The following SRRM2 variants were observed in gnomAD, a reference collection of about 807,000 sequenced individuals.
The protein encoded by SRRM2 is serine/arginine repetitive matrix protein 2.
In SRRM2, 30 loss-of-function variants were observed where a neutral mutation model predicts 213.8. The ratio of observed to expected loss-of-function variants is 0.14; its 90% CI spans 0.10 to 0.19. The LOEUF (loss-of-function observed/expected upper bound fraction) is 0.19. SRRM2 is among the 10% of genes least tolerant of loss of function. The pLI is 1.00. For missense variants in SRRM2, 4,904 were observed against 3,647.0 expected, an observed-to-expected ratio of 1.34 and a Z score of -8.88; for synonymous variants, 2,025 against 1,377.7, an observed-to-expected ratio of 1.47 and a Z score of -10.40.
rs757145003 is a variant in SRRM2 at position 2,769,255 on chromosome 16, C to T, written c.7992C>T (p.Ser2664=). 2 of 1,568,196 alleles carry T rather than the reference C, an allele frequency of 1.3e-6. No individual in the cohort carries two copies. Among genetic ancestry groups the T allele is most frequent in the Admixed American group, 3.6e-5 (2 of 55,524 alleles). ...CTCAGGCCTTGCCCAAACCTGCAAGCCCCAAGAAGCCACCCCCTGGCGAGC... is the reference window on the plus strand; with the variant it reads ...CTCAGGCCTTGCCCAAACCTGCAAGTCCCAAGAAGCCACCCCCTGGCGAGC... ...PGPQALPKPA[S]PKKPPPGERR... Residue 2664 remains serine, a synonymous_variant, in exon 12 of 15, where the codon AGC becomes AGT. Transcript: ENST00000301740.
chr16:2,762,984 C>A lies in SRRM2; in HGVS notation c.2456C>A (p.Ser819Tyr). ...CCACCCAGACGCAGTCGCTCCAGTT[C>A]TTCTCCGCCACCTAAACAGAAATCT... ...RTPPRRSRSS[S>Y]SPPPKQKSKT... Residue 819 changes from serine to tyrosine, a missense_variant, in exon 11 of 15, where the codon TCT (serine) becomes TAT (tyrosine). Ser to Tyr is a moderately radical substitution (Grantham distance 144, BLOSUM62 -2). Coordinates refer to ENST00000301740, the MANE Select transcript of SRRM2 (RefSeq NM_016333.4). 4 of 1,614,122 alleles carry A rather than the reference C, an allele frequency of 2.5e-6. No individual in the cohort carries two copies. Among genetic ancestry groups the A allele is most frequent in the Non-Finnish European group, 3.4e-6 (4 of 1,180,020 alleles).
intron 4 of SRRM2, 49 bp from the exon 5 acceptor site, chr16:2,758,416 AGAAAG>A (rs1184154909): frequency 2.8e-6 from 4 of 1,418,984 alleles, no homozygotes; most frequent in African/African-American, 1.4e-5. Flanking sequence ...TTTAAAGAAA[AGAAAG>A]GAATGTTTGT....
chr16:2,763,046 C>T lies in SRRM2; in HGVS notation c.2518C>T (p.Pro840Ser), dbSNP rs774751153. Residue 840 changes from proline (P) to serine (S), a missense_variant, in exon 11 of 15, where the codon CCT (proline) becomes TCT (serine). By Grantham distance (74) the Pro-to-Ser change is moderately conservative. Transcript: ENST00000301740. ...AAGACAAAGTCATTCCAGTTCATCT[C>T]CTCATCCTAAAGTGAAATCTGGAAC... is the stretch of plus-strand genomic sequence containing the variant. ...PSRQSHSSSS[P>S]HPKVKSGTPP... 33 of 1,614,020 alleles carry T rather than the reference C, an allele frequency of 2.0e-5. No homozygotes were observed. Among genetic ancestry groups the T allele is most frequent in the South Asian group, 2.0e-4 (18 of 91,086 alleles).
intron 11 of SRRM2, chr16:2,768,604 T>G: frequency 1.6e-6 from 1 of 628,726 alleles, no homozygotes; most frequent in Non-Finnish European, 3.0e-6. Context: ...TCAGAGGTCA[T>G]CCCATCCCTC....
chr16:2,753,861 G>A (rs1175702086), intron 1 of SRRM2, among the ~76,000 whole-genome samples: 1 of 152,156 alleles, frequency 6.6e-6, no homozygotes, highest in Non-Finnish European at 1.5e-5. Flanking sequence ...AGCTGGCTGT[G>A]CTTGCTGATG....
chr16:2,766,618 T>G lies in SRRM2; in HGVS notation c.6090T>G (p.Ser2030=), dbSNP rs1218677923. Residue 2030 remains serine, a synonymous_variant, in exon 11 of 15, where the codon TCT becomes TCG. Transcript: ENST00000301740. This position sits in a 1 kb window ranked among gnomAD's most constrained non-coding sequence, Gnocchi z 7.0. The stretch of plus-strand genomic sequence containing the variant: ...CACCTCCAGCTATTCGGCGCCGCTC[T>G]AGATCTCGAACGCCACTGTTACCAC... ...SRTPPAIRRR[S]RSRTPLLPRK... 6.2e-7 allele frequency: 1 copy of G among 1,613,318 alleles called. No individual in the cohort carries two copies. Among genetic ancestry groups the G allele is most frequent in the African/African-American group, 1.3e-5 (1 of 74,670 alleles).
Position 2,761,868 on chromosome 16 carries a change from C to T in SRRM2, c.1340C>T (p.Pro447Leu). ...SPESPKPAPA[P>L]GSHREISSSP... Reference sequence around the variant, plus strand: ...GAAAGTCCTAAACCTGCTCCAGCTCCAGGGTCCCACCGAGAGATTTCTTCT... The same window carrying T: ...GAAAGTCCTAAACCTGCTCCAGCTCTAGGGTCCCACCGAGAGATTTCTTCT... Residue 447 changes from proline to leucine, a missense_variant, in exon 11 of 15, where the codon CCA (proline) becomes CTA (leucine). Pro to Leu is a moderately conservative substitution (Grantham distance 98). Transcript: ENST00000301740. The T allele has an allele frequency of 6.2e-7, 1 of 1,610,008 alleles. No individual in the cohort carries two copies. The highest frequency in any genetic ancestry group is 8.5e-7 in the Non-Finnish European group (1 of 1,179,200).
chr16:2,767,780 A>G lies in SRRM2; in HGVS notation c.7252A>G (p.Arg2418Gly), dbSNP rs1215906301. Reference protein sequence around the residue: ...RTPPSAPSQSRMTSERAPSPS... With the variant: ...RTPPSAPSQSGMTSERAPSPS... ...ACCACCGTCTGCCCCAAGCCAATCT[A>G]GGATGACCTCTGAACGGGCTCCCTC... Residue 2418 changes from arginine (R) to glycine (G), a missense_variant, in exon 11 of 15, where the codon AGG becomes GGG. Physicochemically the swap from Arg to Gly is moderately radical, Grantham distance 125. Transcript: ENST00000301740. 14 of 1,613,762 alleles carry G rather than the reference A, an allele frequency of 8.7e-6. No individual in the cohort carries two copies. The highest frequency in any genetic ancestry group is 1.2e-5 in the Non-Finnish European group (14 of 1,179,922).
rs941363107 is a variant in SRRM2 at position 2,758,619 on chromosome 16, G to A, written c.593+72G>A. On this transcript the variant is annotated intron_variant, in intron 5 of 14. Coordinates refer to ENST00000301740, the MANE Select transcript of SRRM2 (RefSeq NM_016333.4). ...TGGTGTACCTTTCTCTCTGGAAGTG[G>A]ACAGTTCTGGCTTCCACAAAGCAGG... 11 of 1,445,714 alleles carry A rather than the reference G, an allele frequency of 7.6e-6. No homozygotes were observed. The Admixed American group carries it at 1.8e-4, about 24-fold the overall frequency. The allele number at this position is 1,445,714 out of a possible 1,614,324, so 89.6% of individuals were successfully genotyped here.
At chr16:2,757,979 T>G in intron 4 of SRRM2, 34 bp downstream of exon 4, 1 of 1,587,634 alleles carries the variant, frequency 6.3e-7, no homozygotes, top group Non-Finnish European at 8.6e-7. Context: ...GTCAGCTTCT[T>G]TTCTTGATTG....
In SRRM2 at chr16:2,765,846, C is replaced by A. The variant is rs1303337649; in HGVS notation, c.5318C>A (p.Ser1773Tyr). 6.2e-7 allele frequency: 1 copy of A among 1,614,068 alleles called. No homozygotes were observed. The highest frequency in any genetic ancestry group is 2.2e-5 in the East Asian group (1 of 44,874). Residue 1773 changes from serine to tyrosine, a missense_variant, in exon 11 of 15, where the codon TCC becomes TAC. By Grantham distance (144) the Ser-to-Tyr change is moderately radical. Coordinates refer to ENST00000301740, the MANE Select transcript of SRRM2 (RefSeq NM_016333.4). The stretch of plus-strand genomic sequence containing the variant: ...CCAAAGCCTCGTGGACTCCAGAGGT[C>A]CCGTTCCCGCTCAAGGAGAGAGAAA... ...PSPKPRGLQR[S>Y]RSRSRREKTR...
Position 2,752,667 on chromosome 16 carries a change from G to A in SRRM2, c.-211G>A. ...TGACGTGCAGCGCGGCCCAGGCGGG[G>A]TGCGAGTGGCGCAGTTGGAGCCCGT... On this transcript the variant is annotated 5_prime_UTR_variant, in exon 1 of 15. In the 5' UTR this introduces an upstream ATG that the reference lacks. Coordinates refer to ENST00000301740, the MANE Select transcript of SRRM2 (RefSeq NM_016333.4). The A allele has an allele frequency of 3.7e-6, 1 of 273,370 alleles. No homozygotes were observed. Among genetic ancestry groups the A allele is most frequent in the Non-Finnish European group, 7.3e-6 (1 of 136,640 alleles). The allele number at this position is 273,370 out of a possible 1,614,324, so 16.9% of individuals were successfully genotyped here. A position where few individuals can be genotyped will look rare whatever the true frequency, so the allele number is the denominator to read the frequency against.
rs373705311 is a variant in SRRM2 at position 2,770,329 on chromosome 16, T to G, written c.8022-23T>G. 122 of 1,557,652 alleles carry G rather than the reference T, an allele frequency of 7.8e-5. No individual in the cohort carries two copies. The African/African-American group carries it at 1.5e-3, about 20-fold the overall frequency. On this transcript the variant is annotated intron_variant, in intron 12 of 14. Transcript: ENST00000301740. ...GTGTGCTTGAAAGGGTGTGGTGCTA[T>G]TGGGTCCTACTGTGTTCCCCAGGTC...
Position 2,761,630 on chromosome 16 carries a change from C to A in SRRM2, c.1102C>A (p.Pro368Thr). 1 of 1,570,372 alleles carries A rather than the reference C, an allele frequency of 6.4e-7. No homozygotes were observed. The highest frequency in any genetic ancestry group is 8.6e-7 in the Non-Finnish European group (1 of 1,161,836). The change falls in exon 11 of 15, where the codon CCG (proline) becomes ACG (threonine). Residue 368 changes from proline to threonine, a missense_variant. Transcript: ENST00000301740. ...STGPEPPAPTPLLAERHGGSP... is the reference protein window; with the variant it reads ...STGPEPPAPTTLLAERHGGSP... ...AGGCCCAGAACCACCTGCTCCCACT[C>A]CGCTCCTTGCTGAGCGACATGGCGG... is the stretch of plus-strand genomic sequence containing the variant.
At chr16:2,760,032 G>C (rs1478341811) in intron 9 of SRRM2, 1 of 559,718 alleles carries the variant, frequency 1.8e-6, no homozygotes, top group Non-Finnish European at 3.2e-6. Context: ...GAAGCGGGTA[G>C]GGAGTGGGCT....
At chr16:2,757,629 G>GGCT (rs769716307) in intron 3 of SRRM2, 50 bp downstream of exon 3, 3 of 1,587,400 alleles carry the variant, frequency 1.9e-6, no homozygotes, top group South Asian at 1.1e-5. Flanking sequence ...TCTGGCTGCT[G>GGCT]GCTGCTGCTG....
Position 2,762,307 on chromosome 16 carries a change from A to G in SRRM2, c.1779A>G (p.Arg593=), listed in dbSNP as rs1567228656. Residue 593 remains arginine (R), a synonymous_variant, in exon 11 of 15, where the codon AGA becomes AGG. Transcript: ENST00000301740. Reference sequence around the variant, plus strand: ...GCTCTAGAACACCTGCCAGGCGGAGATCACGATCCAGAACTCCCACCAGGC... The same window carrying G: ...GCTCTAGAACACCTGCCAGGCGGAGGTCACGATCCAGAACTCCCACCAGGC... The part of the protein sequence containing the change: ...RSRSRTPARR[R]SRSRTPTRRR... 6 of 1,613,970 alleles carry G rather than the reference A, an allele frequency of 3.7e-6. No homozygotes were observed. The African/African-American group carries it at 4.0e-5, about 11-fold the overall frequency.
In SRRM2 at chr16:2,762,777, A is replaced by C; in HGVS notation, c.2249A>C (p.Lys750Thr). ...AGGTCCAATTCAAGCCCAGAAATGAAGAAATCTCGCATTTCTTCAAGGCGG... is the reference window on the plus strand; with the variant it reads ...AGGTCCAATTCAAGCCCAGAAATGACGAAATCTCGCATTTCTTCAAGGCGG... ...RSRSNSSPEM[K>T]KSRISSRRSR... Residue 750 changes from lysine to threonine, a missense_variant, in exon 11 of 15, where the codon AAG (lysine) becomes ACG (threonine). Transcript: ENST00000301740. The C allele has an allele frequency of 6.2e-7, 1 of 1,614,224 alleles. No individual in the cohort carries two copies.
rs1487391496 is a variant in SRRM2, at chr16:2,767,837, C to T, written c.7309C>T (p.Gln2437Ter). The change falls in exon 11 of 15, where the codon CAG becomes TAG. Residue 2437 changes from glutamine (Q) to a stop codon, truncating the protein, a stop_gained. Coordinates refer to ENST00000301740, the MANE Select transcript of SRRM2 (RefSeq NM_016333.4). LOFTEE classifies it high-confidence loss of function. ...PSSRMGQAPS[Q>*]SLLPPAQDQP... ...CTCTAGAATGGGCCAGGCTCCTTCA[C>T]AGTCTCTTCTCCCTCCAGCACAGGA... The T allele has an allele frequency of 6.2e-7, 1 of 1,613,976 alleles. No homozygotes were observed. Among genetic ancestry groups the T allele is most frequent in the Non-Finnish European group, 8.5e-7 (1 of 1,180,010 alleles).
Sources: allele counts gnomAD v4.1 joint callset (sites outside exome capture counted in the v4.1 genomes callset), GRCh38; gene constraint gnomAD v4.1.1; non-coding constraint Gnocchi (gnomAD v3.1); transcripts MANE v1.5; gene names NCBI Gene and HGNC (gene_info 2026-07-23, HGNC 2026-07-21).